Variants in APOBEC3F observed in about 807,000 individuals in gnomAD.
APOBEC3F encodes the protein apolipoprotein B mRNA editing enzyme catalytic subunit 3F.
A neutral mutation model predicts 45.8 loss-of-function variants in APOBEC3F; 34 were observed. The observed-to-expected ratio is 0.74, with a 90% CI of 0.57 to 0.99. The LOEUF (loss-of-function observed/expected upper bound fraction) is 0.99. APOBEC3F is among the 50% of genes least tolerant of loss of function. The pLI is 0.00. For missense variants in APOBEC3F, 459 were observed against 474.1 expected (o/e 0.97, Z 0.30); for synonymous variants, 192 against 174.4 (o/e 1.10, Z -0.80).
At position 39,054,968 on chromosome 22, in the gene APOBEC3F, T is replaced by A. The variant is rs1415184785; in HGVS notation, c.*2273T>A. Among the ~76,000 whole-genome samples the A allele has an allele frequency of 6.6e-6, 1 of 152,122 alleles. No homozygotes were observed. The highest frequency in any genetic ancestry group is 1.5e-5 in the Non-Finnish European group (1 of 68,032). On this transcript the variant is annotated 3_prime_UTR_variant, in exon 7 of 7. Transcript: ENST00000308521. ...TGGAGGGGTCGGCGGGGTTGTTTGC[T>A]CTGAGGCCGCTCCTCCTGGATGGCA...
In APOBEC3F at chr22:39,049,457, T is replaced by C. The variant is rs1193749877; in HGVS notation, c.599T>C (p.Phe200Ser). 6.2e-7 allele frequency: 1 copy of C among 1,613,998 alleles called. No individual in the cohort carries two copies. Among genetic ancestry groups the C allele is most frequent in the Non-Finnish European group, 8.5e-7 (1 of 1,180,010 alleles). The change falls in exon 5 of 7, where the codon TTC becomes TCC. Residue 200 changes from phenylalanine (F) to serine (S), a missense_variant. Physicochemically the swap from Phe to Ser is radical, Grantham distance 155. Coordinates refer to ENST00000308521, the MANE Select transcript of APOBEC3F (RefSeq NM_145298.6). ...ATGGAGGCAATGTATCCACACATAT[T>C]CTACTTCCACTTTAAAAACCTACGC... ...NPMEAMYPHIFYFHFKNLRKA... is the reference protein window; with the variant it reads ...NPMEAMYPHISYFHFKNLRKA...
At chr22:39,049,950 C>T (rs1301462291) in intron 5 of APOBEC3F, among the ~76,000 whole-genome samples, 1 of 148,892 alleles carries the variant, frequency 6.7e-6, no homozygotes, top group Non-Finnish European at 1.5e-5. Context: ...TGATCCGCCC[C>T]CCTCGGCCTC....
intron 3 of APOBEC3F, 91 bp downstream of exon 3, chr22:39,045,311 G>A: frequency 1.9e-6 from 3 of 1,597,776 alleles, no homozygotes; most frequent in Non-Finnish European, 2.6e-6. Context: ...GGTGTCCCAG[G>A]GCAGCCTGCA....
chr22:39,043,943 T>A (rs1342097857), intron 2 of APOBEC3F: 2 of 1,261,960 alleles, frequency 1.6e-6, no homozygotes, highest in Non-Finnish European at 2.1e-6. Context: ...GAGAACCGCT[T>A]GAACCCATGA....
chr22:39,049,926 T>C (rs1390227988), intron 5 of APOBEC3F, among the ~76,000 whole-genome samples: 4 of 151,256 alleles, frequency 2.6e-5, no homozygotes, highest in East Asian at 3.9e-4. Flanking sequence ...TGGTTTCGAA[T>C]TCCTGACCTC....
chr22:39,052,378 A>T (rs1448633716), intron 6 of APOBEC3F, 25 bp downstream of exon 6: 23 of 1,612,024 alleles, frequency 1.4e-5, no homozygotes, highest in Non-Finnish European at 1.6e-5. Context: ...GGCTGAGGAG[A>T]GTGGGTGCGG....
chr22:39,042,835 G>A, intron 1 of APOBEC3F, 102 bp from the exon 2 acceptor site: 1 of 1,517,070 alleles, frequency 6.6e-7, no homozygotes, highest in Non-Finnish European at 8.8e-7. Context: ...GAGGGGTTGG[G>A]GAGGCCCAGA....
chr22:39,042,310 CTTTT>C (rs759396493), intron 1 of APOBEC3F, among the ~76,000 whole-genome samples: 2 of 94,376 alleles, frequency 2.1e-5, no homozygotes, highest in African/African-American at 2.9e-5. Flanking sequence ...TTCTCTCTCT[CTTTT>C]TTTTTTTTTT....
Position 39,053,985 on chromosome 22 carries a change from C to A in APOBEC3F, c.*1290C>A, listed in dbSNP as rs182154925. On this transcript the variant is annotated 3_prime_UTR_variant, in exon 7 of 7. Coordinates refer to ENST00000308521, the MANE Select transcript of APOBEC3F (RefSeq NM_145298.6). ...ACCCTTCCTAGTGCCCATGGGCTTT[C>A]CCATAGGACAAGAGAACATTTCTCC... is the stretch of plus-strand genomic sequence containing the variant. 2.0e-5 allele frequency: 3 copies of A among 152,268 alleles called. No individual in the cohort carries two copies. The South Asian group carries it at 6.2e-4, about 32-fold the overall frequency. The allele number at this position is 152,268 out of a possible 1,614,324, so 9.4% of individuals were successfully genotyped here. A position where few individuals can be genotyped will look rare whatever the true frequency, so the allele number is the denominator to read the frequency against.
chr22:39,043,298 G>GGTTTTT (rs1569068674), intron 2 of APOBEC3F, among the ~76,000 whole-genome samples: 3 of 120,072 alleles, frequency 2.5e-5, no homozygotes, highest in Non-Finnish European at 5.2e-5. Flanking sequence ...AAGGCCTTGT[G>GGTTTTT]TTTTTTTTTT....
intron 4 of APOBEC3F, among the ~76,000 whole-genome samples, chr22:39,048,355 C>G (rs1291631383): frequency 6.6e-6 from 1 of 152,204 alleles, no homozygotes; most frequent in African/African-American, 2.4e-5. Context: ...ATACCATGAG[C>G]TCAGACCCTC....
chr22:39,044,431 C>A lies in APOBEC3F; in HGVS notation c.172-510C>A, dbSNP rs959532665. 7.0e-5 allele frequency: 94 copies of A among 1,347,228 alleles called. No individual in the cohort carries two copies. In the African/African-American group the frequency reaches 1.1e-3, roughly 16 times the overall value. The allele number at this position is 1,347,228 out of a possible 1,614,324, so 83.5% of individuals were successfully genotyped here. A position where few individuals can be genotyped will look rare whatever the true frequency, so the allele number is the denominator to read the frequency against. ...AGAAATGTATGGGCTCGAGTTCTGG[C>A]CTCTGGGAAGTCCACTGTCAATGCA... On this transcript the variant is annotated intron_variant, in intron 2 of 6. Coordinates refer to ENST00000308521, the MANE Select transcript of APOBEC3F (RefSeq NM_145298.6).
chr22:39,049,965 A>T (rs2076105), intron 5 of APOBEC3F, among the ~76,000 whole-genome samples: 2 of 145,914 alleles, frequency 1.4e-5, no homozygotes. Flanking sequence ...GGCCTCCCAA[A>T]GTGCTAGGAT....
At chr22:39,041,693 G>T (rs1490200051) in intron 1 of APOBEC3F, among the ~76,000 whole-genome samples, 2 of 151,906 alleles carry the variant, frequency 1.3e-5, no homozygotes, top group Non-Finnish European at 2.9e-5. Flanking sequence ...GATAAACCCT[G>T]TCTCTACTAA....
chr22:39,049,683 C>G, intron 5 of APOBEC3F, 102 bp downstream of exon 5: 5 of 1,163,970 alleles, frequency 4.3e-6, no homozygotes, highest in Admixed American at 2.4e-5. Context: ...CCTGTGTGTA[C>G]TTTCCTCTTA....
intron 4 of APOBEC3F, among the ~76,000 whole-genome samples, chr22:39,048,999 A>ACAAAC (rs1927351127): frequency 9.6e-6 from 1 of 104,350 alleles, no homozygotes; most frequent in Non-Finnish European, 2.0e-5. Context: ...AAAAACAAAA[A>ACAAAC]CAAAAAAAAC....
chr22:39,046,092 C>T (rs1927203861), intron 4 of APOBEC3F, among the ~76,000 whole-genome samples: 1 of 152,178 alleles, frequency 6.6e-6, no homozygotes, highest in East Asian at 1.9e-4. Context: ...TCTTCTGCAG[C>T]TGCTCCTCTT....
rs1305526008 is a variant in APOBEC3F at position 39,055,763 on chromosome 22, T to G, written c.*3068T>G. ...ATTGTATGAGGAAGCATTGTGAAAC[T>G]TTCTGGTCTGTTCTGCTAGCCCCCA... is the stretch of plus-strand genomic sequence containing the variant. On this transcript the variant is annotated 3_prime_UTR_variant, in exon 7 of 7. Transcript: ENST00000308521. Among the ~76,000 whole-genome samples the G allele has an allele frequency of 6.6e-6, 1 of 152,160 alleles. No homozygotes were observed. Among genetic ancestry groups the G allele is most frequent in the African/African-American group, 2.4e-5 (1 of 41,436 alleles).
Position 39,052,065 on chromosome 22 carries a change from C to CTG in APOBEC3F, c.724-8_724-7insGT. 1 of 1,610,890 alleles carries CTG rather than the reference C, an allele frequency of 6.2e-7. No homozygotes were observed. Among genetic ancestry groups the CTG allele is most frequent in the South Asian group, 1.1e-5 (1 of 90,910 alleles). The stretch of plus-strand genomic sequence containing the variant: ...GAGCTCCCCTGCCCTCCTCCTCCTC[C>CTG]TTCCCCAGGTGGATCCTGAGACCCA... On this transcript the variant is annotated splice_polypyrimidine_tract_variant and intron_variant, in intron 5 of 6. Transcript: ENST00000308521.
Sources: gnomAD v4.1 joint callset for allele counts (sites outside exome capture counted in the v4.1 genomes callset) on GRCh38, gnomAD v4.1.1 for gene constraint, MANE v1.5 for transcripts, NCBI Gene and HGNC (gene_info 2026-07-23, HGNC 2026-07-21) for gene names.